Variants in UNC79 observed in about 807,000 individuals in gnomAD.
The protein encoded by UNC79 is unc-79 subunit of NALCN channel complex, also known as protein unc-79 homolog.
UNC79 carries 37 observed loss-of-function variants against 283.1 expected under a neutral mutation model. The observed-to-expected ratio is 0.13, with a 90% CI of 0.10 to 0.17. UNC79 has a LOEUF of 0.17. Ranked by LOEUF, UNC79 falls within the 10% of genes least tolerant of loss-of-function variation. UNC79 has a pLI of 1.00. For missense variants in UNC79, 2,272 were observed against 3,211.1 expected (o/e 0.71, Z 7.07); for synonymous variants, 1,107 against 1,200.2 (o/e 0.92, Z 1.61).
intron 1 of UNC79, among the ~76,000 whole-genome samples, chr14:93,363,436 CTGT>C (rs1363469350): frequency 4.6e-5 from 7 of 152,256 alleles, no homozygotes; most frequent in Admixed American, 3.9e-4. Flanking sequence ...AATGCATATA[CTGT>C]TGTTGTTGGG....
Position 93,481,854 on chromosome 14 carries a change from A to G in UNC79, c.619+4126A>G, listed in dbSNP as rs368170688. On this transcript the variant is annotated intron_variant, in intron 4 of 48. Coordinates refer to ENST00000555664, the Ensembl canonical transcript of UNC79. ...TTGTTTTTCTAAGATAGGTTTCCCT[A>G]TATACTTTGAGAGTTTTATTGCCGA... Among the ~76,000 whole-genome samples the G allele has an allele frequency of 3.3e-5, 5 of 152,278 alleles. No homozygotes were observed. In the South Asian group the frequency reaches 6.2e-4, roughly 19 times the overall value.
At chr14:93,637,023 A>G (rs1312057254) in intron 31 of UNC79, among the ~76,000 whole-genome samples, 193 bp from the exon 35 acceptor site, 1 of 151,640 alleles carries the variant, frequency 6.6e-6, no homozygotes, top group African/African-American at 2.4e-5. Context: ...ATTTCATAGA[A>G]CTGAATGGCA....
chr14:93,423,143 A>C (rs2055642878), intron 1 of UNC79, among the ~76,000 whole-genome samples: 1 of 151,840 alleles, frequency 6.6e-6, no homozygotes, highest in African/African-American at 2.4e-5. Context: ...ATATAAGATA[A>C]AATACCTACA....
chr14:93,694,996 G>T (rs2074986920), intron 47 of UNC79, among the ~76,000 whole-genome samples: 1 of 152,092 alleles, frequency 6.6e-6, no homozygotes, highest in Non-Finnish European at 1.5e-5. Flanking sequence ...TCAAGCATTT[G>T]TCATCTCCCC....
intron 1 of UNC79, among the ~76,000 whole-genome samples, chr14:93,364,036 T>C (rs2054278213): frequency 6.6e-6 from 1 of 152,110 alleles, no homozygotes; most frequent in South Asian, 2.1e-4. Flanking sequence ...ATGCCTTTCT[T>C]TGTCCTTTTT....
intron 14 of UNC79, among the ~76,000 whole-genome samples, chr14:93,568,960 G>A (rs1399517529): frequency 6.6e-6 from 1 of 152,168 alleles, no homozygotes; most frequent in East Asian, 1.9e-4. Context: ...TTTAAAGTGG[G>A]CCGAGCTAAG....
chr14:93,668,793 G>T (rs1199702882), intron 40 of UNC79, among the ~76,000 whole-genome samples: 1 of 150,336 alleles, frequency 6.7e-6, no homozygotes, highest in African/African-American at 2.5e-5. Context: ...GCAGTGAACC[G>T]TGACTGTACC....
chr14:93,696,110 G>A (rs369680354), intron 47 of UNC79, among the ~76,000 whole-genome samples: 9 of 151,832 alleles, frequency 5.9e-5, no homozygotes, highest in African/African-American at 1.7e-4. Flanking sequence ...ATTATATTGC[G>A]ATTAATCCAT....
chr14:93,655,115 G>T (rs1001160401), intron 37 of UNC79, 119 bp from the exon 41 acceptor site: 2 of 1,068,342 alleles, frequency 1.9e-6, no homozygotes, highest in Admixed American at 5.0e-5. Context: ...GGCCTATGTA[G>T]TAGGCACTGA....
intron 1 of UNC79, among the ~76,000 whole-genome samples, chr14:93,423,062 CAAAAAAAAAAAAAAA>C (rs71129634): frequency 2.6e-5 from 2 of 77,292 alleles, no homozygotes; most frequent in Middle Eastern, 7.4e-3. Context: ...GACTCTGTCT[CAAAAAAAAAAAAAAA>C]AAAAAAAAAA....
chr14:93,664,596 G>A (rs2071963617), intron 40 of UNC79, among the ~76,000 whole-genome samples: 1 of 152,158 alleles, frequency 6.6e-6, no homozygotes, highest in Admixed American at 6.5e-5. Context: ...GGGTGGTTTG[G>A]AAAGAATACA....
chr14:93,393,301 T>C (rs1356981724), intron 1 of UNC79, among the ~76,000 whole-genome samples: 1 of 152,200 alleles, frequency 6.6e-6, no homozygotes, highest in East Asian at 1.9e-4. Flanking sequence ...ATCATAGCAG[T>C]AGGATTCAGT....
Position 93,529,335 on chromosome 14 carries a change from T to C in UNC79, c.1093+9T>C. On this transcript the variant is annotated intron_variant, in intron 10 of 48. Transcript: ENST00000555664. ...TGTTCTTCTGCCACAAGGTATGGTT[T>C]ACTTAGGAAAGGATGAATAATGAGT... The C allele has an allele frequency of 6.2e-7, 1 of 1,613,748 alleles. No individual in the cohort carries two copies.
At chr14:93,454,591 T>C (rs942969207) in intron 1 of UNC79, among the ~76,000 whole-genome samples, 4 of 152,210 alleles carry the variant, frequency 2.6e-5, no homozygotes, top group African/African-American at 9.7e-5. Context: ...CCTCAGTTTT[T>C]TCGTTGGTAA....
intron 14 of UNC79, among the ~76,000 whole-genome samples, chr14:93,550,538 A>G (rs1412920331): frequency 7.3e-6 from 1 of 136,844 alleles, no homozygotes; most frequent in Non-Finnish European, 1.6e-5. Flanking sequence ...AAAAAAAAAA[A>G]AAAGAGGAAG....
intron 47 of UNC79, among the ~76,000 whole-genome samples, chr14:93,698,984 T>C (rs2075346931): frequency 6.6e-6 from 1 of 152,230 alleles, no homozygotes; most frequent in Non-Finnish European, 1.5e-5. Context: ...TAATATTTAC[T>C]AATAAAACAG....
At chr14:93,563,387 C>T (rs1278005803) in intron 14 of UNC79, among the ~76,000 whole-genome samples, 1 of 152,166 alleles carries the variant, frequency 6.6e-6, no homozygotes, top group South Asian at 2.1e-4. Context: ...ATTAAGGAGA[C>T]ACTAATGATG....
At chr14:93,379,291 T>C (rs2054618811) in intron 1 of UNC79, among the ~76,000 whole-genome samples, 1 of 152,096 alleles carries the variant, frequency 6.6e-6, no homozygotes, top group Admixed American at 6.5e-5. Context: ...CAGCTAGACT[T>C]ACAAACTGGT....
chr14:93,515,821 G>T (rs2060027468), intron 7 of UNC79, among the ~76,000 whole-genome samples: 1 of 151,668 alleles, frequency 6.6e-6, no homozygotes, highest in Non-Finnish European at 1.5e-5. Context: ...CTCATTCAGG[G>T]GCTTCCCTGT....
Sources: allele counts gnomAD v4.1 joint callset (sites outside exome capture counted in the v4.1 genomes callset), GRCh38; gene constraint gnomAD v4.1.1; transcripts MANE v1.5; gene names NCBI Gene and HGNC (gene_info 2026-07-23, HGNC 2026-07-21).